The following ZNF827 variants were observed in gnomAD, a reference collection of about 807,000 sequenced individuals.
ZNF827 encodes the protein zinc finger protein 827.
A neutral mutation model predicts 102.4 loss-of-function variants in ZNF827; 13 were observed. The ratio of observed to expected loss-of-function variants is 0.13; its 90% CI spans 0.08 to 0.20. The LOEUF is 0.20. Among genes scored for constraint, ZNF827 ranks in the 10% least tolerant of loss-of-function variants. The pLI, the probability that ZNF827 is intolerant of heterozygous loss-of-function variation, is 1.00. For synonymous variants in ZNF827, 523 were observed against 536.2 expected (o/e 0.98, Z 0.34); for missense variants, 1,103 against 1,344.4 (o/e 0.82, Z 2.81).
chr4:145,771,574 T>G (rs1275163199), intron 11 of ZNF827, among the ~76,000 whole-genome samples: 1 of 152,180 alleles, frequency 6.6e-6, no homozygotes, highest in Non-Finnish European at 1.5e-5. Flanking sequence ...TTGTTGATAT[T>G]CTCTGCAGGG....
chr4:145,761,450 G>C lies in ZNF827; in HGVS notation c.*166C>G, dbSNP rs1374531279. 3.1e-6 allele frequency: 4 copies of C among 1,289,868 alleles called. No individual in the cohort carries two copies. Among genetic ancestry groups the C allele is most frequent in the Non-Finnish European group, 1.0e-6 (1 of 988,866 alleles). 79.9% of individuals were successfully genotyped at this position (1,289,868 alleles called of 1,614,324 possible). A position where few individuals can be genotyped will look rare whatever the true frequency, so the allele number is the denominator to read the frequency against. ...TGGTCGCACTTGTAGTGGTTGCCCA[G>C]GCGGTGCTCCCGGGTGTGCGTCTCC... On this transcript the variant is annotated 3_prime_UTR_variant, in exon 15 of 15. Transcript: ENST00000508784. The surrounding 1 kb of genome is among the most constrained non-coding windows in gnomAD (Gnocchi z 6.8).
intron 5 of ZNF827, 127 bp from the exon 6 acceptor site, chr4:145,849,688 C>T: frequency 7.2e-7 from 1 of 1,390,052 alleles, no homozygotes; most frequent in East Asian, 2.3e-5. Context: ...GCGTGCACGG[C>T]ACACTGGACC....
intron 6 of ZNF827, among the ~76,000 whole-genome samples, chr4:145,846,542 T>G (rs1745968451): frequency 7.0e-6 from 1 of 143,100 alleles, no homozygotes; most frequent in Non-Finnish European, 1.5e-5. Flanking sequence ...TCAGGCCAGG[T>G]GCTGTGGCTC....
chr4:145,803,953 A>G lies in ZNF827; in HGVS notation c.2383+19469T>C, dbSNP rs374559310. Among the ~76,000 whole-genome samples, 25 of 152,220 alleles carry G rather than the reference A, an allele frequency of 1.6e-4. No homozygotes were observed. In the East Asian group the frequency reaches 4.8e-3, roughly 29 times the overall value. On this transcript the variant is annotated intron_variant, in intron 8 of 14. Transcript: ENST00000508784. Reference sequence around the variant, plus strand: ...TTTTTTTGTTATAACTTATTCTGGTATATGCTTGTGCAACCCAGAAGAGGG... The same window carrying G: ...TTTTTTTGTTATAACTTATTCTGGTGTATGCTTGTGCAACCCAGAAGAGGG...
intron 8 of ZNF827, among the ~76,000 whole-genome samples, chr4:145,784,099 G>T (rs114220540): frequency 6.6e-6 from 1 of 152,126 alleles, no homozygotes; most frequent in African/African-American, 2.4e-5. Context: ...CCACTATGAT[G>T]GAAAGTTTCC....
At chr4:145,837,043 G>A (rs1744913385) in intron 7 of ZNF827, among the ~76,000 whole-genome samples, 1 of 152,142 alleles carries the variant, frequency 6.6e-6, no homozygotes, top group African/African-American at 2.4e-5. Context: ...TCACTGGATA[G>A]GTAGAGGCCT....
intron 2 of ZNF827, among the ~76,000 whole-genome samples, chr4:145,901,620 G>T (rs1212440588): frequency 6.6e-6 from 1 of 152,172 alleles, no homozygotes; most frequent in Admixed American, 6.5e-5. Context: ...AGGAGAATAG[G>T]ATACGTGAAA....
chr4:145,911,203 A>G (rs1752266421), intron 1 of ZNF827, among the ~76,000 whole-genome samples: 1 of 152,218 alleles, frequency 6.6e-6, no homozygotes, highest in Non-Finnish European at 1.5e-5. Context: ...ACAACACTGC[A>G]GGGGAACTTG....
chr4:145,806,243 C>CT (rs1741431885), intron 8 of ZNF827, among the ~76,000 whole-genome samples: 1 of 149,500 alleles, frequency 6.7e-6, no homozygotes, highest in Non-Finnish European at 1.5e-5. Context: ...CCTCTGCCTC[C>CT]TGGGCTCAAA....
intron 2 of ZNF827, among the ~76,000 whole-genome samples, chr4:145,897,406 A>G (rs1001607829): frequency 1.3e-5 from 2 of 152,216 alleles, no homozygotes; most frequent in Non-Finnish European, 2.9e-5. Context: ...TTCTGCGTAT[A>G]TACCTTACCA....
At chr4:145,851,789 TA>T (rs1197414668) in intron 5 of ZNF827, among the ~76,000 whole-genome samples, 2 of 152,130 alleles carry the variant, frequency 1.3e-5, no homozygotes, top group African/African-American at 4.8e-5. Flanking sequence ...TCAGTCATGA[TA>T]AAAAAATTTT....
intron 7 of ZNF827, among the ~76,000 whole-genome samples, chr4:145,838,720 G>A (rs935525556): frequency 6.6e-6 from 1 of 152,024 alleles, no homozygotes; most frequent in African/African-American, 2.4e-5. Flanking sequence ...ATATGTAGTA[G>A]GACTCAGTTA....
chr4:145,767,580 T>A (rs1735496233), intron 11 of ZNF827, among the ~76,000 whole-genome samples: 1 of 152,060 alleles, frequency 6.6e-6, no homozygotes, highest in Admixed American at 6.6e-5. Flanking sequence ...TTGCTCAAAA[T>A]CAGTGCTAAA....
intron 8 of ZNF827, among the ~76,000 whole-genome samples, chr4:145,815,793 A>G (rs961433072): frequency 2.0e-5 from 3 of 152,252 alleles, no homozygotes; most frequent in African/African-American, 7.2e-5. Flanking sequence ...TCCATCATCC[A>G]TTACACATAC....
chr4:145,895,040 G>C (rs1750870559), intron 2 of ZNF827, among the ~76,000 whole-genome samples: 1 of 152,148 alleles, frequency 6.6e-6, no homozygotes, highest in Non-Finnish European at 1.5e-5. Flanking sequence ...TAATAGGAAA[G>C]AGATAAACAA....
In ZNF827 at chr4:145,832,268, AAAAC is replaced by A. The variant is rs1409434697; in HGVS notation, c.2280-8747_2280-8744del. The A allele has an allele frequency of 2.4e-3, 371 of 151,614 alleles. 2 individuals are homozygous for A. Among genetic ancestry groups the A allele is most frequent in the African/African-American group, 8.0e-3 (325 of 40,462 alleles). The allele number at this position is 151,614 out of a possible 1,614,324, so 9.4% of individuals were successfully genotyped here. On this transcript the variant is annotated intron_variant, in intron 7 of 14. Transcript: ENST00000508784. ...CGACAGGGCAAGACCTCGTCTCAAA[AAAAC>A]AAACAAACAAACAAAAAACAAAACA...
chr4:145,880,920 A>C (rs2126802314), intron 4 of ZNF827, among the ~76,000 whole-genome samples: 1 of 152,346 alleles, frequency 6.6e-6, no homozygotes, highest in Non-Finnish European at 1.5e-5. Flanking sequence ...AAGAAGGCTC[A>C]TTTGTTGAGA....
intron 8 of ZNF827, among the ~76,000 whole-genome samples, chr4:145,791,228 C>T (rs1739631830): frequency 6.6e-6 from 1 of 152,208 alleles, no homozygotes; most frequent in African/African-American, 2.4e-5. Flanking sequence ...TGCTTCCTCA[C>T]AGACAGCCAT....
At chr4:145,900,156 AAAAAAATT>A (rs1751302079) in intron 2 of ZNF827, among the ~76,000 whole-genome samples, 1 of 152,168 alleles carries the variant, frequency 6.6e-6, no homozygotes, top group African/African-American at 2.4e-5. Flanking sequence ...CGTTTGAGTG[AAAAAAATT>A]ATATTCACAA....
Sources: gnomAD v4.1 joint callset for allele counts (sites outside exome capture counted in the v4.1 genomes callset) on GRCh38, gnomAD v4.1.1 for gene constraint, Gnocchi (gnomAD v3.1) non-coding constraint, MANE v1.5 for transcripts, NCBI Gene and HGNC (gene_info 2026-07-23, HGNC 2026-07-21) for gene names.